Variants in CLNK observed in about 807,000 individuals in gnomAD.
The protein encoded by CLNK is cytokine-dependent hematopoietic cell linker.
In CLNK, 74 loss-of-function variants were observed where a neutral mutation model predicts 68.6. The observed-to-expected ratio is 1.08, with a 90% CI of 0.89 to 1.31. The LOEUF (loss-of-function observed/expected upper bound fraction) is 1.31. Ranked by LOEUF, CLNK falls within the 50% of genes most tolerant of loss-of-function variation. The pLI, the probability that CLNK is intolerant of heterozygous loss-of-function variation, is 0.00. For synonymous variants in CLNK, 198 were observed against 172.2 expected (o/e 1.15, Z -1.17); for missense variants, 553 against 515.3 (o/e 1.07, Z -0.71).
intron 2 of CLNK, among the ~76,000 whole-genome samples, chr4:10,652,566 G>A (rs781190609): frequency 9.9e-5 from 15 of 151,924 alleles, no homozygotes; most frequent in Non-Finnish European, 2.1e-4. Flanking sequence ...TTAATGGCAG[G>A]CAAAATAAAC....
At chr4:10,506,409 C>G (rs998616088) in intron 17 of CLNK, among the ~76,000 whole-genome samples, 1 of 152,152 alleles carries the variant, frequency 6.6e-6, no homozygotes, top group Non-Finnish European at 1.5e-5. Context: ...CCAAACCCGT[C>G]CTGAACATGG....
intron 3 of CLNK, among the ~76,000 whole-genome samples, chr4:10,586,009 G>A (rs566048066): frequency 1.1e-4 from 17 of 152,122 alleles, no homozygotes; most frequent in Non-Finnish European, 1.6e-4. Context: ...GTTGGTAGGA[G>A]TCTCACAAAG....
At chr4:10,581,297 A>C (rs1014079917) in intron 4 of CLNK, among the ~76,000 whole-genome samples, 1 of 152,192 alleles carries the variant, frequency 6.6e-6, no homozygotes, top group Non-Finnish European at 1.5e-5. Flanking sequence ...AGTATGTGAC[A>C]CATGACTGTG....
intron 2 of CLNK, among the ~76,000 whole-genome samples, chr4:10,601,597 AG>A: frequency 6.6e-6 from 1 of 152,316 alleles, no homozygotes; most frequent in East Asian, 1.9e-4. Context: ...TAAGCATAAT[AG>A]GGCAAAATTG....
At chr4:10,643,497 A>G (rs1472149282) in intron 2 of CLNK, among the ~76,000 whole-genome samples, 2 of 152,296 alleles carry the variant, frequency 1.3e-5, no homozygotes, top group African/African-American at 2.4e-5. Flanking sequence ...TGCTGCTTCT[A>G]TCTCATAACT....
At chr4:10,537,178 T>A (rs1167037523) in intron 11 of CLNK, among the ~76,000 whole-genome samples, 1 of 152,200 alleles carries the variant, frequency 6.6e-6, no homozygotes, top group Non-Finnish European at 1.5e-5. Context: ...AACCACTGTA[T>A]TAGAAAATAC....
rs544284982 is a variant in CLNK, at chr4:10,595,308, T to C, written c.83+2670A>G. Among the ~76,000 whole-genome samples the C allele has an allele frequency of 2.0e-4, 31 of 152,314 alleles. 1 individual carries two copies. The highest frequency in any genetic ancestry group is 3.9e-4 in the Admixed American group (6 of 15,292). ...CCGAATGCCAAGGTTCTGGTGCATA[T>C]TGGGTGCTCAGTTATTGAGTGGAAT... On this transcript the variant is annotated intron_variant, in intron 3 of 18. Transcript: ENST00000226951.
intron 2 of CLNK, among the ~76,000 whole-genome samples, chr4:10,627,484 A>G (rs1722719420): frequency 6.6e-6 from 1 of 152,174 alleles, no homozygotes; most frequent in Non-Finnish European, 1.5e-5. Flanking sequence ...CTACTTAGTA[A>G]CATAGAGTAC....
At chr4:10,653,228 A>G (rs1004020723) in intron 2 of CLNK, among the ~76,000 whole-genome samples, 3 of 152,258 alleles carry the variant, frequency 2.0e-5, no homozygotes, top group African/African-American at 7.2e-5. Context: ...ATTAGGAGAA[A>G]TACCCAATGT....
the CLNK span, among the ~76,000 whole-genome samples, chr4:10,731,006 C>T: frequency 1.3e-5 from 2 of 152,216 alleles, no homozygotes; most frequent in East Asian, 1.9e-4. Context: ...TACACGCATA[C>T]AATGTGTAAT....
chr4:10,592,971 C>T (rs1296592343), intron 3 of CLNK, among the ~76,000 whole-genome samples: 2 of 152,166 alleles, frequency 1.3e-5, no homozygotes, highest in Admixed American at 1.3e-4. Context: ...AAATGATCCA[C>T]CCATCTCAGC....
At chr4:10,649,671 C>T (rs774154415) in intron 2 of CLNK, among the ~76,000 whole-genome samples, 2 of 152,090 alleles carry the variant, frequency 1.3e-5, no homozygotes, top group Non-Finnish European at 2.9e-5. Context: ...ACAAAATTTC[C>T]TCCTGAGAAT....
intron 4 of CLNK, among the ~76,000 whole-genome samples, chr4:10,573,516 G>A (rs1327767408): frequency 1.3e-5 from 2 of 152,232 alleles, no homozygotes; most frequent in East Asian, 3.9e-4. Flanking sequence ...CAGCCCTTTA[G>A]AGCAGCAATT....
At chr4:10,557,076 A>AAAATAAATAAAG (rs1719702016) in intron 8 of CLNK, among the ~76,000 whole-genome samples, 1 of 139,996 alleles carries the variant, frequency 7.1e-6, no homozygotes, top group Admixed American at 7.3e-5. Context: ...ACTCTGTCTC[A>AAAATAAATAAAG]AAATAAATAA....
chr4:10,597,980 G>T lies in CLNK; in HGVS notation c.81C>A (p.Asn27Lys). 1 of 1,573,434 alleles carries T rather than the reference G, an allele frequency of 6.4e-7. No individual in the cohort carries two copies. Among genetic ancestry groups the T allele is most frequent in the Non-Finnish European group, 8.7e-7 (1 of 1,155,918 alleles). The part of the protein sequence containing the change: ...LKFQNFSLPK[N>K]RSWPRINSAT... ...AATAAACAAGTAAATATTCTGACCTGTTTTTTGGCAGACTGAAGTTCTGGA... is the reference window on the plus strand; with the variant it reads ...AATAAACAAGTAAATATTCTGACCTTTTTTTTGGCAGACTGAAGTTCTGGA... Residue 27 changes from asparagine to lysine, a missense_variant and splice_region_variant, in exon 3 of 19, where the codon AAC becomes AAA. Transcript: ENST00000226951.
Position 10,537,698 on chromosome 4 carries a change from C to CTTTCTTTCTTTCTTTCTTTCTTTCTTT in CLNK, c.602+2795_602+2796insAAAGAAAGAAAGAAAGAAAGAAAGAAA, listed in dbSNP as rs1560206954. Among the ~76,000 whole-genome samples, 7 of 12,962 alleles carry CTTTCTTTCTTTCTTTCTTTCTTTCTTT rather than the reference C, an allele frequency of 5.4e-4. 1 individual carries two copies. The highest frequency in any genetic ancestry group is 1.4e-3 in the Non-Finnish European group (7 of 5,062). 8.5% of individuals were successfully genotyped at this position (12,962 alleles called of 152,430 possible). ...TTCTTTCTTCCTTCCTTCCTTCCTT[C>CTTTCTTTCTTTCTTTCTTTCTTTCTTT]CTTCCTTCCTTTCTTTCTTTCTTTC... On this transcript the variant is annotated intron_variant, in intron 11 of 18. Coordinates refer to ENST00000226951, the MANE Select transcript of CLNK (RefSeq NM_052964.4).
the CLNK span, among the ~76,000 whole-genome samples, chr4:10,705,650 A>G: frequency 6.6e-6 from 1 of 152,090 alleles, no homozygotes; most frequent in African/African-American, 2.4e-5. Context: ...ACATTTAAGG[A>G]CCCTTGCGAT....
At chr4:10,689,509 C>A (rs1029211717), upstream of CLNK, among the ~76,000 whole-genome samples, 1 of 152,112 alleles carries the variant, frequency 6.6e-6, no homozygotes, top group Non-Finnish European at 1.5e-5. Context: ...CACCCTGACA[C>A]TATTCGGTGT....
At chr4:10,542,189 C>T (rs560905170) in intron 9 of CLNK, 66 bp downstream of exon 9, 4 of 1,205,156 alleles carry the variant, frequency 3.3e-6, no homozygotes, top group Non-Finnish European at 4.7e-6. Flanking sequence ...GTTTTTGCAT[C>T]ATCTATATCT....
Sources: gnomAD v4.1 joint callset for allele counts (sites outside exome capture counted in the v4.1 genomes callset) on GRCh38, gnomAD v4.1.1 for gene constraint, MANE v1.5 for transcripts, NCBI Gene and HGNC (gene_info 2026-07-23, HGNC 2026-07-21) for gene names.